NALF1: variants seen among roughly 807,000 people sequenced by gnomAD.
NALF1 encodes the protein family with sequence similarity 155 member A.
A neutral mutation model predicts 48.4 loss-of-function variants in NALF1; 3 were observed. The ratio of observed to expected loss-of-function variants is 0.06; its 90% confidence interval spans 0.03 to 0.16. The LOEUF (loss-of-function observed/expected upper bound fraction) is 0.16. Ranked by LOEUF, NALF1 falls within the 10% of genes least tolerant of loss-of-function variation. NALF1 has a pLI of 1.00. For synonymous variants in NALF1, 262 were observed against 245.7 expected (o/e 1.07, Z -0.62); for missense variants, 526 against 571.5 (o/e 0.92, Z 0.81).
chr13:107,397,536 C>T (rs895829008), intron 1 of NALF1, among the ~76,000 whole-genome samples: 1 of 152,112 alleles, frequency 6.6e-6, no homozygotes, highest in Non-Finnish European at 1.5e-5. Context: ...GAGGCAGTCA[C>T]GTAGGATTCT....
chr13:107,564,908 A>G (rs1424856266), intron 1 of NALF1, among the ~76,000 whole-genome samples: 1 of 152,002 alleles, frequency 6.6e-6, no homozygotes, highest in Non-Finnish European at 1.5e-5. Context: ...ACAAAGCTTG[A>G]AAGGCAAAGA....
chr13:107,258,704 C>T (rs577481167), intron 1 of NALF1, among the ~76,000 whole-genome samples: 57 of 152,224 alleles, frequency 3.7e-4, no homozygotes, highest in African/African-American at 8.9e-4. Flanking sequence ...CTTTCTTATC[C>T]TATATTGACA....
intron 1 of NALF1, among the ~76,000 whole-genome samples, chr13:107,673,437 C>CA (rs200102281): frequency 0.011 from 1,676 of 152,256 alleles, 5 homozygotes; most frequent in Non-Finnish European, 0.018. Flanking sequence ...TGATTGTGCT[C>CA]AACTTGACGA....
At chr13:107,280,143 A>G (rs1165322325) in intron 1 of NALF1, among the ~76,000 whole-genome samples, 1 of 152,162 alleles carries the variant, frequency 6.6e-6, no homozygotes, top group Admixed American at 6.5e-5. Flanking sequence ...GATAGACTGA[A>G]CTATCACATG....
At chr13:107,565,000 G>A (rs1368466421) in intron 1 of NALF1, among the ~76,000 whole-genome samples, 2 of 145,774 alleles carry the variant, frequency 1.4e-5, no homozygotes, top group Non-Finnish European at 3.0e-5. Flanking sequence ...GCAGGAAGGA[G>A]GTGAAAGCAG....
At chr13:107,711,332 G>GTTTA (rs1248825500) in intron 1 of NALF1, among the ~76,000 whole-genome samples, 5 of 152,112 alleles carry the variant, frequency 3.3e-5, no homozygotes, top group African/African-American at 7.2e-5. Flanking sequence ...TTGTTTGTTT[G>GTTTA]TTTGTTTATT....
At chr13:107,332,300 G>A (rs139792919) in intron 1 of NALF1, among the ~76,000 whole-genome samples, 385 of 152,258 alleles carry the variant, frequency 2.5e-3, no homozygotes, top group Non-Finnish European at 3.8e-3. Context: ...TGTGCCACCT[G>A]GCATACAAAT....
At chr13:107,287,075 T>C (rs1343015208) in intron 1 of NALF1, among the ~76,000 whole-genome samples, 1 of 152,224 alleles carries the variant, frequency 6.6e-6, no homozygotes, top group Non-Finnish European at 1.5e-5. Flanking sequence ...AATAAATTAT[T>C]CTTAAAATTG....
chr13:107,257,100 G>C (rs1880831587), intron 1 of NALF1, among the ~76,000 whole-genome samples: 1 of 152,090 alleles, frequency 6.6e-6, no homozygotes, highest in Non-Finnish European at 1.5e-5. Context: ...CAGAGAGACA[G>C]AAGGGGGAAG....
intron 2 of NALF1, among the ~76,000 whole-genome samples, chr13:107,187,988 G>C (rs1879212097): frequency 6.6e-6 from 1 of 151,938 alleles, no homozygotes; most frequent in South Asian, 2.1e-4. Context: ...CTCATTTTAT[G>C]GTTTTTCATT....
At chr13:107,689,836 T>C (rs1222857882) in intron 1 of NALF1, among the ~76,000 whole-genome samples, 3 of 152,236 alleles carry the variant, frequency 2.0e-5, no homozygotes, top group Non-Finnish European at 4.4e-5. Context: ...TCATTCCCTT[T>C]GGCAAATTGA....
At chr13:107,778,580 G>A (rs1877801329) in intron 1 of NALF1, among the ~76,000 whole-genome samples, 1 of 152,104 alleles carries the variant, frequency 6.6e-6, no homozygotes, top group African/African-American at 2.4e-5. Flanking sequence ...GATTAAAACA[G>A]GAGTTGTTTT....
intron 1 of NALF1, among the ~76,000 whole-genome samples, chr13:107,769,361 T>C (rs992408035): frequency 2.4e-4 from 35 of 147,962 alleles, no homozygotes; most frequent in Non-Finnish European, 4.3e-4. Context: ...TATGCAGCCA[T>C]AAAAAATGAT....
intron 1 of NALF1, among the ~76,000 whole-genome samples, chr13:107,706,920 T>TA (rs1446218350): frequency 1.5e-5 from 2 of 133,498 alleles, no homozygotes; most frequent in East Asian, 4.4e-4. Context: ...AGGGCATTCT[T>TA]TTTTTTTTTT....
At chr13:107,525,052 T>C (rs1876386429) in intron 1 of NALF1, among the ~76,000 whole-genome samples, 1 of 152,100 alleles carries the variant, frequency 6.6e-6, no homozygotes, top group Non-Finnish European at 1.5e-5. Context: ...TTTGGCAAGA[T>C]TAACCTGTAG....
intron 1 of NALF1, among the ~76,000 whole-genome samples, chr13:107,849,432 TG>T (rs1292489324): frequency 6.6e-6 from 1 of 152,156 alleles, no homozygotes; most frequent in Non-Finnish European, 1.5e-5. Flanking sequence ...AATGGCTGGG[TG>T]GTAAGTTAAT....
At chr13:107,238,650 GGGCTTTCCA>G (rs560798056) in intron 1 of NALF1, among the ~76,000 whole-genome samples, 2 of 152,188 alleles carry the variant, frequency 1.3e-5, no homozygotes, top group Non-Finnish European at 1.5e-5. Context: ...AAGAAGAAAA[GGGCTTTCCA>G]GGCAGACAGT....
At chr13:107,542,322 G>C (rs1381391245) in intron 1 of NALF1, among the ~76,000 whole-genome samples, 2 of 152,064 alleles carry the variant, frequency 1.3e-5, no homozygotes, top group Admixed American at 1.3e-4. Flanking sequence ...GCTTCAGGCT[G>C]GTGGGGGAGG....
chr13:107,817,073 A>G (rs562453215), intron 1 of NALF1, among the ~76,000 whole-genome samples: 2 of 152,344 alleles, frequency 1.3e-5, no homozygotes, highest in Admixed American at 1.3e-4. Context: ...TGTGAGGGAA[A>G]GAGCAAGAGC....
Sources: gnomAD v4.1 joint callset for allele counts (sites outside exome capture counted in the v4.1 genomes callset) on GRCh38, gnomAD v4.1.1 for gene constraint, MANE v1.5 for transcripts, NCBI Gene and HGNC (gene_info 2026-07-23, HGNC 2026-07-21) for gene names.